ATF6: variants seen among roughly 807,000 people sequenced by gnomAD.
ATF6 encodes the protein activating transcription factor 6.
Under a neutral mutation model 83.6 loss-of-function variants are expected in ATF6, and 53 were observed. The ratio of observed to expected loss-of-function variants is 0.63; its 90% CI spans 0.51 to 0.80. The LOEUF (loss-of-function observed/expected upper bound fraction) is 0.80, where lower values mean the gene tolerates loss of function less well. Among genes scored for constraint, ATF6 ranks in the 30% least tolerant of loss-of-function variants. The pLI is 0.00. For synonymous variants in ATF6, 288 were observed against 285.8 expected (o/e 1.01, Z -0.08); for missense variants, 744 against 797.9 (o/e 0.93, Z 0.81).
intron 14 of ATF6, among the ~76,000 whole-genome samples, chr1:161,864,548 G>A (rs747912748): frequency 6.6e-6 from 1 of 152,154 alleles, no homozygotes; most frequent in African/African-American, 2.4e-5. Flanking sequence ...TAGCAGCTCA[G>A]GTTTTTAGGA....
chr1:161,799,322 T>TATAATTA (rs760052098), intron 6 of ATF6, among the ~76,000 whole-genome samples: 136 of 152,240 alleles, frequency 8.9e-4, no homozygotes, highest in Middle Eastern at 3.4e-3. Flanking sequence ...AGATAATTAA[T>TATAATTA]GCAGGAACAG....
intron 1 of ATF6, among the ~76,000 whole-genome samples, chr1:161,766,651 A>T (rs1262469669): frequency 6.6e-6 from 1 of 152,166 alleles, no homozygotes; most frequent in African/African-American, 2.4e-5. Context: ...ATATTGTCTA[A>T]CTGGAGTTAA....
In ATF6 at chr1:161,863,312, G is replaced by A; in HGVS notation, c.1719G>A (p.Arg573=). 3 of 1,596,502 alleles carry A rather than the reference G, an allele frequency of 1.9e-6. No homozygotes were observed. The highest frequency in any genetic ancestry group is 2.6e-6 in the Non-Finnish European group (3 of 1,164,216). The change falls in exon 14 of 16, where the codon AGG becomes AGA. Residue 573 remains arginine, a splice_region_variant and synonymous_variant. Coordinates refer to ENST00000367942, the MANE Select transcript of ATF6 (RefSeq NM_007348.4). ...CATTTTATGTTGTGTCATTTCGAAGGGTAAGTTCATCTTGAAAGAATAGAG... is the reference window on the plus strand; with the variant it reads ...CATTTTATGTTGTGTCATTTCGAAGAGTAAGTTCATCTTGAAAGAATAGAG... ...GDTFYVVSFR[R]DHLLLPATTH... is the part of the protein sequence containing the mutation.
chr1:161,919,825 T>C lies in ATF6; in HGVS notation c.1804+7445T>C, dbSNP rs1688167647. Among the ~76,000 whole-genome samples the C allele has an allele frequency of 2.0e-5, 3 of 152,168 alleles. No individual in the cohort carries two copies. The South Asian group carries it at 6.2e-4, about 31-fold the overall frequency. On this transcript the variant is annotated intron_variant, in intron 15 of 15. Transcript: ENST00000367942. ...GTAATTTCCATCCATATAAAGAAAA[T>C]CTAGAAGAGCTTAATAGCAATGGTT...
chr1:161,769,855 G>A (rs1343816430), intron 1 of ATF6, among the ~76,000 whole-genome samples: 1 of 152,070 alleles, frequency 6.6e-6, no homozygotes. Flanking sequence ...GAGCTCAGGC[G>A]GTAATGCAAG....
At chr1:161,812,639 G>T (rs956503758) in intron 7 of ATF6, among the ~76,000 whole-genome samples, 30 of 152,016 alleles carry the variant, frequency 2.0e-4, no homozygotes, top group Non-Finnish European at 2.5e-4. Context: ...TGATCCACCC[G>T]CCTCGGCCTC....
chr1:161,906,508 AG>A (rs1216052134), intron 14 of ATF6, among the ~76,000 whole-genome samples: 1 of 152,216 alleles, frequency 6.6e-6, no homozygotes, highest in Non-Finnish European at 1.5e-5. Context: ...AAGGGGAGGC[AG>A]GGTTAGTTGG....
intron 7 of ATF6, among the ~76,000 whole-genome samples, chr1:161,815,290 CAA>C (rs1451997235): frequency 2.1e-4 from 31 of 146,918 alleles, no homozygotes; most frequent in African/African-American, 7.1e-4. Flanking sequence ...CTCCTGAGCT[CAA>C]GTGATCCTCC....
At chr1:161,832,961 A>T (rs1284545775) in intron 9 of ATF6, among the ~76,000 whole-genome samples, 1 of 152,210 alleles carries the variant, frequency 6.6e-6, no homozygotes. Context: ...TGCCTCCTCA[A>T]GTGGGTCCCT....
chr1:161,936,002 T>C (rs16827987), intron 15 of ATF6, among the ~76,000 whole-genome samples: 97,942 of 152,186 alleles, frequency 0.64, 33,351 homozygotes, highest in Non-Finnish European at 0.77. Flanking sequence ...TAATGCCGTC[T>C]TCACGTGGTA....
chr1:161,792,367 A>G (rs1287712095), intron 6 of ATF6, 40 bp downstream of exon 6: 2 of 1,546,220 alleles, frequency 1.3e-6, no homozygotes, highest in Non-Finnish European at 1.8e-6. Flanking sequence ...ATTTATTTGG[A>G]GGGCAGTAAG....
intron 15 of ATF6, among the ~76,000 whole-genome samples, chr1:161,916,029 T>A (rs1278719921): frequency 6.6e-6 from 1 of 152,208 alleles, no homozygotes; most frequent in Non-Finnish European, 1.5e-5. Context: ...AGACTTACAC[T>A]CACTGCTTCT....
chr1:161,814,296 A>G (rs569002069), intron 7 of ATF6, among the ~76,000 whole-genome samples: 37 of 152,280 alleles, frequency 2.4e-4, no homozygotes, highest in African/African-American at 7.0e-4. Context: ...GGGTCCCTCT[A>G]TTCTTCAAGA....
At chr1:161,870,566 T>C (rs1687100979) in intron 14 of ATF6, among the ~76,000 whole-genome samples, 1 of 151,812 alleles carries the variant, frequency 6.6e-6, no homozygotes, top group Non-Finnish European at 1.5e-5. Flanking sequence ...TATGGCGTGC[T>C]AGATCTTTGA....
At chr1:161,860,323 G>T (rs1380154933) in intron 13 of ATF6, 46 bp downstream of exon 13, 12 of 1,384,348 alleles carry the variant, frequency 8.7e-6, no homozygotes, top group Non-Finnish European at 1.2e-5. Context: ...AAAATAGCTG[G>T]TATTTTAAGA....
At chr1:161,893,538 G>T (rs1033958864) in intron 14 of ATF6, among the ~76,000 whole-genome samples, 6 of 152,198 alleles carry the variant, frequency 3.9e-5, no homozygotes, top group South Asian at 4.1e-4. Context: ...TCGACCTTCT[G>T]AAAAGCCTGA....
At chr1:161,838,054 TAC>T (rs1432863973) in intron 9 of ATF6, among the ~76,000 whole-genome samples, 1 of 152,192 alleles carries the variant, frequency 6.6e-6, no homozygotes, top group African/African-American at 2.4e-5. Context: ...AGTTGGCATT[TAC>T]AGTTAGAGGA....
At chr1:161,795,196 A>G (rs1044573930) in intron 6 of ATF6, among the ~76,000 whole-genome samples, 2 of 152,110 alleles carry the variant, frequency 1.3e-5, no homozygotes, top group Non-Finnish European at 2.9e-5. Flanking sequence ...TAATTGGGGG[A>G]TTAAATTCAC....
At chr1:161,934,229 C>T (rs147877289) in intron 15 of ATF6, among the ~76,000 whole-genome samples, 376 of 152,208 alleles carry the variant, frequency 2.5e-3, no homozygotes, top group African/African-American at 8.5e-3. Flanking sequence ...TTTGTGATGC[C>T]GGTAAATTGT....
Sources: gnomAD v4.1 joint callset for allele counts (sites outside exome capture counted in the v4.1 genomes callset) on GRCh38, gnomAD v4.1.1 for gene constraint, MANE v1.5 for transcripts, NCBI Gene and HGNC (gene_info 2026-07-23, HGNC 2026-07-21) for gene names.